The following GLRA2 variants were observed in gnomAD, a reference collection of about 807,000 sequenced individuals.
The protein encoded by GLRA2 is glycine receptor alpha 2.
A neutral mutation model predicts 31.6 loss-of-function variants in GLRA2; 11 were observed. The ratio of observed to expected loss-of-function variants is 0.35; its 90% confidence interval spans 0.22 to 0.58. The LOEUF (loss-of-function observed/expected upper bound fraction) is 0.58, where lower values mean the gene tolerates loss of function less well. Ranked by LOEUF, GLRA2 falls within the 20% of genes least tolerant of loss-of-function variation. The pLI is 0.84. For missense variants in GLRA2, 212 were observed against 351.8 expected, an observed-to-expected ratio of 0.60 and a Z score of 3.18; for synonymous variants, 132 against 134.0, an observed-to-expected ratio of 0.99 and a Z score of 0.10.
At chrX:14,603,081 A>AT (rs58676051) in intron 4 of GLRA2, among the ~76,000 whole-genome samples, 27,309 of 96,085 alleles carry the variant, frequency 0.28, 3,072 homozygotes, top group Non-Finnish European at 0.31. Flanking sequence ...GCCAACATCT[A>AT]TTTTTTTTTT....
intron 7 of GLRA2, among the ~76,000 whole-genome samples, chrX:14,690,139 AG>A (rs1472503355): frequency 8.9e-6 from 1 of 111,778 alleles, no homozygotes; most frequent in Non-Finnish European, 1.9e-5. Context: ...GGCCATATAT[AG>A]TTTATTTCTC....
intron 7 of GLRA2, among the ~76,000 whole-genome samples, chrX:14,625,046 C>T (rs2090571394): frequency 8.9e-6 from 1 of 111,953 alleles, no homozygotes; most frequent in South Asian, 3.7e-4. Context: ...GTATTGGCTG[C>T]ATGTATCATT....
the GLRA2 span, among the ~76,000 whole-genome samples, chrX:14,470,880 G>A: frequency 1.8e-5 from 2 of 111,934 alleles, no homozygotes; most frequent in Non-Finnish European, 3.8e-5. Context: ...CTGCAGAGGC[G>A]TTTTATTGAC....
chrX:14,709,783 T>A (rs1050892489), intron 8 of GLRA2, among the ~76,000 whole-genome samples: 1 of 111,962 alleles, frequency 8.9e-6, no homozygotes, highest in Non-Finnish European at 1.9e-5. Context: ...CTGCTTTGAA[T>A]GTCCTTGAGA....
chrX:14,530,549 C>A (rs922413861), intron 1 of GLRA2, among the ~76,000 whole-genome samples: 1 of 111,689 alleles, frequency 9.0e-6, no homozygotes, highest in African/African-American at 3.3e-5. Context: ...TCTCAGCCAA[C>A]TTGGGACTTC....
chrX:14,454,028 C>T, the GLRA2 span, among the ~76,000 whole-genome samples: 8 of 110,952 alleles, frequency 7.2e-5, no homozygotes, highest in African/African-American at 1.6e-4. Context: ...AGGTGTTAAG[C>T]GGAGAGGGAG....
At position 14,730,975 on chromosome X, in the gene GLRA2, G is replaced by C. The variant is rs1445299523; in HGVS notation, c.*490G>C. The C allele has an allele frequency of 4.4e-5, 5 of 112,765 alleles. No individual in the cohort carries two copies. Among genetic ancestry groups the C allele is most frequent in the Non-Finnish European group, 7.1e-5 (4 of 56,002 alleles). 9.3% of individuals were successfully genotyped at this position (112,765 alleles called of 1,213,427 possible). On this transcript the variant is annotated 3_prime_UTR_variant, in exon 9 of 9. Transcript: ENST00000218075. Reference sequence around the variant, plus strand: ...AAACTTCAAAAATGCTTAACCATCTGACCATAGTGACTAGCCTATAGTGAG... The same window carrying C: ...AAACTTCAAAAATGCTTAACCATCTCACCATAGTGACTAGCCTATAGTGAG...
the GLRA2 span, among the ~76,000 whole-genome samples, chrX:14,451,734 C>T: frequency 9.7e-6 from 1 of 102,666 alleles, no homozygotes; most frequent in African/African-American, 3.6e-5. Flanking sequence ...AGGCCCATCT[C>T]ACAGGTAAGG....
intron 2 of GLRA2, among the ~76,000 whole-genome samples, chrX:14,571,330 T>C (rs965266788): frequency 2.7e-5 from 3 of 112,043 alleles, no homozygotes; most frequent in East Asian, 2.8e-4. Context: ...GAGCAGACTA[T>C]TGTGCTAAAT....
intron 7 of GLRA2, among the ~76,000 whole-genome samples, chrX:14,655,143 A>G (rs931553159): frequency 2.7e-5 from 3 of 111,605 alleles, no homozygotes; most frequent in African/African-American, 9.8e-5. Context: ...AATAATAATA[A>G]TAAGCCAGGT....
At chrX:14,491,811 T>A in the GLRA2 span, among the ~76,000 whole-genome samples, 1 of 111,712 alleles carries the variant, frequency 9.0e-6, no homozygotes, top group Admixed American at 9.5e-5. Flanking sequence ...TGAGGATGGA[T>A]GTCAAGACGT....
intron 2 of GLRA2, among the ~76,000 whole-genome samples, chrX:14,559,961 A>G (rs1045089856): frequency 1.8e-5 from 2 of 111,436 alleles, no homozygotes; most frequent in Non-Finnish European, 3.8e-5. Flanking sequence ...CTATCCTCCA[A>G]GGCTCTCTCT....
chrX:14,677,998 C>A (rs993656948), intron 7 of GLRA2, among the ~76,000 whole-genome samples: 1 of 111,875 alleles, frequency 8.9e-6, no homozygotes, highest in African/African-American at 3.2e-5. Flanking sequence ...TAGAAGCATC[C>A]GTGACCTCAA....
intron 2 of GLRA2, among the ~76,000 whole-genome samples, chrX:14,568,925 T>G (rs1388006871): frequency 9.0e-6 from 1 of 110,780 alleles, no homozygotes; most frequent in African/African-American, 3.3e-5. Flanking sequence ...AACCAAAGCA[T>G]AAGAAACAAA....
At chrX:14,533,291 T>C (rs1348050159) in intron 2 of GLRA2, among the ~76,000 whole-genome samples, 1 of 110,844 alleles carries the variant, frequency 9.0e-6, no homozygotes, top group Non-Finnish European at 1.9e-5. Context: ...TGCTTACTTT[T>C]GTTTATTAGC....
the GLRA2 span, among the ~76,000 whole-genome samples, chrX:14,452,357 C>T: frequency 8.9e-6 from 1 of 112,470 alleles, no homozygotes; most frequent in East Asian, 2.8e-4. Context: ...TTTAAAATGA[C>T]CCTTTCTTTG....
intron 8 of GLRA2, among the ~76,000 whole-genome samples, chrX:14,725,108 C>T (rs1047610864): frequency 6.3e-5 from 7 of 111,720 alleles, no homozygotes; most frequent in Admixed American, 5.7e-4. Context: ...CTTTTCTTGG[C>T]CTCAGTTTCC....
intron 7 of GLRA2, among the ~76,000 whole-genome samples, chrX:14,650,346 G>T (rs1227576032): frequency 9.1e-6 from 1 of 109,524 alleles, no homozygotes; most frequent in African/African-American, 3.3e-5. Flanking sequence ...TCTTCATGGT[G>T]TGCAAATTAA....
intron 7 of GLRA2, among the ~76,000 whole-genome samples, chrX:14,624,191 T>C (rs1305699615): frequency 8.9e-6 from 1 of 111,971 alleles, no homozygotes; most frequent in African/African-American, 3.2e-5. Context: ...GGATCAGTGG[T>C]GATATCCCCT....
Sources: gnomAD v4.1 joint callset for allele counts (sites outside exome capture counted in the v4.1 genomes callset) on GRCh38, gnomAD v4.1.1 for gene constraint, MANE v1.5 for transcripts, NCBI Gene and HGNC (gene_info 2026-07-23, HGNC 2026-07-21) for gene names.